Variants in MAF observed in about 807,000 individuals in gnomAD.
The protein encoded by MAF is MAF bZIP transcription factor, also known as transcription factor Maf.
In MAF, 10 loss-of-function variants were observed where a neutral mutation model predicts 22.0. The observed-to-expected ratio is 0.45, with a 90% CI of 0.28 to 0.77. The LOEUF is 0.77. Ranked by LOEUF, MAF falls within the 30% of genes least tolerant of loss-of-function variation. The pLI, the probability that MAF is intolerant of heterozygous loss-of-function variation, is 0.12. For missense variants in MAF, 544 were observed against 548.4 expected, an observed-to-expected ratio of 0.99 and a Z score of 0.08; for synonymous variants, 337 against 255.8, an observed-to-expected ratio of 1.32 and a Z score of -3.03.
the MAF span, among the ~76,000 whole-genome samples, chr16:79,475,720 C>T: frequency 6.6e-6 from 1 of 152,080 alleles, no homozygotes; most frequent in African/African-American, 2.4e-5. Context: ...ACCTTAAAAT[C>T]TGTAAAAATG....
the MAF span, among the ~76,000 whole-genome samples, chr16:79,244,623 G>A: frequency 1.7e-3 from 257 of 152,138 alleles, 3 homozygotes; most frequent in African/African-American, 5.7e-3. Context: ...AATCAATATC[G>A]TGAAAATGGC....
chr16:79,417,165 G>A, the MAF span, among the ~76,000 whole-genome samples: 2 of 152,110 alleles, frequency 1.3e-5, no homozygotes, highest in East Asian at 3.9e-4. Context: ...GCCTGCAGCC[G>A]ACCCCTTCCA....
the MAF span, among the ~76,000 whole-genome samples, chr16:79,234,170 G>C: frequency 6.6e-6 from 1 of 151,832 alleles, no homozygotes; most frequent in Non-Finnish European, 1.5e-5. Context: ...CTTCACACTT[G>C]TGTGGCACAC....
chr16:79,375,810 C>G, the MAF span, among the ~76,000 whole-genome samples: 1 of 152,174 alleles, frequency 6.6e-6, no homozygotes, highest in African/African-American at 2.4e-5. Flanking sequence ...TGGCAAATCC[C>G]AGTTCACTCC....
the MAF span, among the ~76,000 whole-genome samples, chr16:79,567,260 G>C: frequency 6.6e-6 from 1 of 152,234 alleles, no homozygotes; most frequent in African/African-American, 2.4e-5. Context: ...AGAGGTTGCA[G>C]TGAGCCAAGA....
At chr16:79,320,255 C>T in the MAF span, among the ~76,000 whole-genome samples, 11 of 152,262 alleles carry the variant, frequency 7.2e-5, no homozygotes, top group East Asian at 1.5e-3. Context: ...ACTTAAAGGT[C>T]ACCAAAGAAT....
At chr16:79,450,204 G>C in the MAF span, among the ~76,000 whole-genome samples, 1 of 152,104 alleles carries the variant, frequency 6.6e-6, no homozygotes, top group Non-Finnish European at 1.5e-5. Flanking sequence ...AAATAAACCC[G>C]CTTGCATTCT....
the MAF span, among the ~76,000 whole-genome samples, chr16:79,431,327 C>A: frequency 9.2e-5 from 14 of 152,268 alleles, no homozygotes; most frequent in South Asian, 2.7e-3. Flanking sequence ...GCCATGAAAC[C>A]TGCAATCTGG....
At chr16:79,443,573 G>C in the MAF span, among the ~76,000 whole-genome samples, 1 of 152,172 alleles carries the variant, frequency 6.6e-6, no homozygotes, top group Non-Finnish European at 1.5e-5. Context: ...ACTAAAGAGG[G>C]ACCTCTTTTC....
chr16:79,296,220 T>C, the MAF span, among the ~76,000 whole-genome samples: 1 of 152,242 alleles, frequency 6.6e-6, no homozygotes, highest in Non-Finnish European at 1.5e-5. Context: ...AAGTTAATTT[T>C]ATAGATCTGT....
the MAF span, among the ~76,000 whole-genome samples, chr16:79,393,555 G>A: frequency 6.6e-6 from 1 of 152,188 alleles, no homozygotes; most frequent in Non-Finnish European, 1.5e-5. Flanking sequence ...AGACCTCAGT[G>A]CTGGGCCTCC....
chr16:79,566,362 G>A, the MAF span, among the ~76,000 whole-genome samples: 1 of 152,176 alleles, frequency 6.6e-6, no homozygotes, highest in Non-Finnish European at 1.5e-5. Context: ...GAGGGGCCTG[G>A]GCTGGGATTC....
chr16:79,413,249 T>G, the MAF span, among the ~76,000 whole-genome samples: 2 of 74,180 alleles, frequency 2.7e-5, no homozygotes, highest in Non-Finnish European at 5.0e-5. Context: ...TTTTTTTTTT[T>G]TTTTTTTTTT....
chr16:79,552,787 G>A, the MAF span, among the ~76,000 whole-genome samples: 1 of 152,130 alleles, frequency 6.6e-6, no homozygotes, highest in Non-Finnish European at 1.5e-5. Flanking sequence ...TCTCCTTGTG[G>A]TTATGTTCAC....
intron 1 of MAF, chr16:79,595,436 GAAAAC>G: frequency 8.5e-6 from 9 of 1,056,712 alleles, no homozygotes; most frequent in Non-Finnish European, 1.0e-5. Flanking sequence ...AAGAACGGCA[GAAAAC>G]AAAACAAAAG....
chr16:79,356,037 A>G, the MAF span, among the ~76,000 whole-genome samples: 1 of 152,110 alleles, frequency 6.6e-6, no homozygotes, highest in Non-Finnish European at 1.5e-5. Flanking sequence ...ACACATTCAT[A>G]CACACACGCA....
chr16:79,554,363 C>T, the MAF span, among the ~76,000 whole-genome samples: 1 of 152,138 alleles, frequency 6.6e-6, no homozygotes, highest in African/African-American at 2.4e-5. Flanking sequence ...TCTTCCTAAT[C>T]TCCCAGATCC....
At chr16:79,250,514 A>G in the MAF span, among the ~76,000 whole-genome samples, 10 of 152,306 alleles carry the variant, frequency 6.6e-5, no homozygotes, top group African/African-American at 1.9e-4. Flanking sequence ...GCATTTTGCA[A>G]TGACTTCCAT....
chr16:79,559,137 C>G, the MAF span, among the ~76,000 whole-genome samples: 6 of 152,062 alleles, frequency 3.9e-5, no homozygotes, highest in African/African-American at 1.4e-4. Flanking sequence ...GGACACTGGC[C>G]GTGGTTTGGG....
Sources: gnomAD v4.1 joint callset for allele counts (sites outside exome capture counted in the v4.1 genomes callset) on GRCh38, gnomAD v4.1.1 for gene constraint, MANE v1.5 for transcripts, NCBI Gene and HGNC (gene_info 2026-07-23, HGNC 2026-07-21) for gene names.